FRYL: variants seen among roughly 807,000 people sequenced by gnomAD.
FRYL encodes the protein FRY like transcription coactivator.
FRYL carries 150 observed loss-of-function variants against 351.2 expected under a neutral mutation model. The ratio of observed to expected loss-of-function variants is 0.43; its 90% confidence interval spans 0.37 to 0.49. FRYL has a LOEUF of 0.49. FRYL is among the 20% of genes least tolerant of loss of function. The pLI is 0.00. For synonymous variants in FRYL, 1,153 were observed against 1,257.1 expected (o/e 0.92, Z 1.75); for missense variants, 3,036 against 3,619.3 (o/e 0.84, Z 4.13).
chr4:48,756,392 G>T (rs1039576642), intron 1 of FRYL, among the ~76,000 whole-genome samples: 1 of 152,072 alleles, frequency 6.6e-6, no homozygotes, highest in African/African-American at 2.4e-5. Flanking sequence ...GTCAGATATT[G>T]TTCCAGTCTA....
chr4:48,516,407 A>T (rs1033385029), intron 55 of FRYL, among the ~76,000 whole-genome samples: 2 of 152,194 alleles, frequency 1.3e-5, no homozygotes, highest in Admixed American at 6.5e-5. Context: ...ATATATGATG[A>T]TGGTATCAAC....
intron 1 of FRYL, among the ~76,000 whole-genome samples, chr4:48,739,400 CAAAA>C (rs1370572101): frequency 3.0e-5 from 1 of 33,614 alleles, no homozygotes. Context: ...GACTCCGTCT[CAAAA>C]AAAAAAAAAA....
rs145655785 is a variant in FRYL, at chr4:48,648,525, T to G, written c.-80-14035A>C. On this transcript the variant is annotated intron_variant, in intron 3 of 63. Coordinates refer to ENST00000358350, the MANE Select transcript of FRYL (RefSeq NM_015030.2). ...ATCAGGGAAGCCTTCAATTAAAATA[T>G]GAAGGAGTAGAGAAAGTTAGCTAAA... Among the ~76,000 whole-genome samples the G allele has an allele frequency of 8.3e-3, 1,265 of 152,272 alleles. 17 individuals carry two copies. Among genetic ancestry groups the G allele is most frequent in the Non-Finnish European group, 0.013 (898 of 68,014 alleles).
intron 1 of FRYL, among the ~76,000 whole-genome samples, chr4:48,753,312 A>G (rs953007127): frequency 2.0e-5 from 3 of 152,212 alleles, no homozygotes; most frequent in African/African-American, 7.2e-5. Flanking sequence ...GCTTGTCAGT[A>G]TAAAAGGTAC....
chr4:48,542,248 C>T (rs1045456187), intron 44 of FRYL, 127 bp from the exon 45 acceptor site: 11 of 681,974 alleles, frequency 1.6e-5, no homozygotes, highest in Non-Finnish European at 2.8e-5. Flanking sequence ...AACTCTTGAG[C>T]AACATGATCT....
At chr4:48,683,387 C>T (rs1215328252) in intron 3 of FRYL, among the ~76,000 whole-genome samples, 1 of 150,250 alleles carries the variant, frequency 6.7e-6, no homozygotes. Flanking sequence ...CCTGCACATT[C>T]TGCACATGTA....
At chr4:48,582,350 A>T (rs1174535259) in intron 20 of FRYL, 147 bp downstream of exon 20, 1 of 614,682 alleles carries the variant, frequency 1.6e-6, no homozygotes, top group Admixed American at 2.9e-5. Context: ...ACTATGGGAA[A>T]GTTCAGTTTA....
intron 1 of FRYL, among the ~76,000 whole-genome samples, chr4:48,753,102 T>C (rs2149668613): frequency 6.6e-6 from 1 of 152,296 alleles, no homozygotes; most frequent in South Asian, 2.1e-4. Context: ...ACTGATGGAT[T>C]GCAGGGAAAG....
At chr4:48,709,638 A>C (rs1242591659) in intron 2 of FRYL, among the ~76,000 whole-genome samples, 1 of 152,230 alleles carries the variant, frequency 6.6e-6, no homozygotes, top group Non-Finnish European at 1.5e-5. Flanking sequence ...TAGTTCATAA[A>C]GTGTTGGGAT....
chr4:48,578,875 G>T, intron 23 of FRYL, 98 bp downstream of exon 23: 1 of 1,000,702 alleles, frequency 1.0e-6, no homozygotes. Flanking sequence ...ATTATTTATG[G>T]GCCTTCCAAT....
chr4:48,542,309 T>C (rs1730367556), intron 44 of FRYL, among the ~76,000 whole-genome samples, 188 bp from the exon 45 acceptor site: 1 of 152,248 alleles, frequency 6.6e-6, no homozygotes, highest in South Asian at 2.1e-4. Flanking sequence ...TTGATTGTAA[T>C]GGTGCCACAA....
At chr4:48,529,268 C>T (rs1402650189) in intron 50 of FRYL, among the ~76,000 whole-genome samples, 1 of 152,186 alleles carries the variant, frequency 6.6e-6, no homozygotes, top group African/African-American at 2.4e-5. Context: ...TGACTGTAAA[C>T]TGTTTATGTG....
chr4:48,634,378 T>G lies in FRYL; in HGVS notation c.33A>C (p.Lys11Asn). Residue 11 changes from lysine to asparagine, a missense_variant, in exon 4 of 64, where the codon AAA becomes AAC. Physicochemically the swap from Lys to Asn is moderately conservative, Grantham distance 94. This residue lies in a region of FRYL where 457 missense variants were observed against 566.6 expected (regional missense o/e 0.81). Coordinates refer to ENST00000358350, the MANE Select transcript of FRYL (RefSeq NM_015030.2). Reference sequence around the variant, plus strand: ...GGCTCTTGATGACATATTCACCAGGTTTGACATCTGGGTCAATCGTAATGT... The same window carrying G: ...GGCTCTTGATGACATATTCACCAGGGTTGACATCTGGGTCAATCGTAATGT... MSNITIDPDVKPGEYVIKSLF... is the reference protein window; with the variant it reads MSNITIDPDVNPGEYVIKSLF... 6.2e-7 allele frequency: 1 copy of G among 1,613,524 alleles called. No individual in the cohort carries two copies.
At chr4:48,667,964 A>G (rs778525705) in intron 3 of FRYL, among the ~76,000 whole-genome samples, 3 of 152,016 alleles carry the variant, frequency 2.0e-5, no homozygotes, top group Admixed American at 6.6e-5. Flanking sequence ...TCCATTCTCT[A>G]TTTCCCAGGT....
At chr4:48,628,254 C>T (rs1288192360) in intron 4 of FRYL, among the ~76,000 whole-genome samples, 1 of 151,868 alleles carries the variant, frequency 6.6e-6, no homozygotes, top group Non-Finnish European at 1.5e-5. Context: ...AGGGTAAGGC[C>T]AAAACTGCCT....
At chr4:48,751,636 T>C (rs1773257750) in intron 1 of FRYL, among the ~76,000 whole-genome samples, 1 of 151,828 alleles carries the variant, frequency 6.6e-6, no homozygotes, top group East Asian at 1.9e-4. Flanking sequence ...ATTCATCCCA[T>C]TAACACAGAA....
At chr4:48,671,852 C>CAA (rs1762744843) in intron 3 of FRYL, among the ~76,000 whole-genome samples, 1 of 13,190 alleles carries the variant, frequency 7.6e-5, no homozygotes, top group Non-Finnish European at 1.3e-4. Flanking sequence ...GACTCCGTCT[C>CAA]AAAAACAAAA....
chr4:48,673,069 G>A (rs1432194474), intron 3 of FRYL, among the ~76,000 whole-genome samples: 1 of 152,110 alleles, frequency 6.6e-6, no homozygotes, highest in Non-Finnish European at 1.5e-5. Flanking sequence ...CCTAGGGAGA[G>A]GTATACCAGT....
In FRYL at chr4:48,708,308, A is replaced by AAATAAAT. The variant is rs201692800; in HGVS notation, c.-204+2210_-204+2211insATTTATT. 3.4e-3 allele frequency among the ~76,000 whole-genome samples: 9 copies of AAATAAAT among 2,676 alleles called. No individual in the cohort carries two copies. The Admixed American group carries it at 0.036, about 11-fold the overall frequency. 1.8% of individuals were successfully genotyped at this position (2,676 alleles called of 152,430 possible). A position where few individuals can be genotyped will look rare whatever the true frequency, so the allele number is the denominator to read the frequency against. ...AAAATAAATAAATAAATAAATAAATAAAAATAAAATTAGCCAGGCATGGTA... is the reference window on the plus strand; with the variant it reads ...AAAATAAATAAATAAATAAATAAATAAATAAATAAAATAAAATTAGCCAGGCATGGTA... On this transcript the variant is annotated intron_variant, in intron 2 of 63. Coordinates refer to ENST00000358350, the MANE Select transcript of FRYL (RefSeq NM_015030.2).
Sources: gnomAD v4.1 joint callset for allele counts (sites outside exome capture counted in the v4.1 genomes callset) on GRCh38, gnomAD v4.1.1 for gene constraint, gnomAD v4.1.1 regional missense constraint, MANE v1.5 for transcripts, NCBI Gene and HGNC (gene_info 2026-07-23, HGNC 2026-07-21) for gene names.